The following SORCS2 variants were observed in gnomAD, a reference collection of about 807,000 sequenced individuals.
SORCS2 encodes VPS10 domain-containing receptor SorCS2.
In SORCS2, 100 loss-of-function variants were observed where a neutral mutation model predicts 141.6. The observed-to-expected ratio is 0.71, with a 90% confidence interval of 0.60 to 0.83. SORCS2 has a LOEUF of 0.83. Among genes scored for constraint, SORCS2 ranks in the 40% least tolerant of loss-of-function variants. The pLI, the probability that SORCS2 is intolerant of heterozygous loss-of-function variation, is 0.00. For synonymous variants in SORCS2, 789 were observed against 676.9 expected (o/e 1.17, Z -2.57); for missense variants, 1,646 against 1,560.2 (o/e 1.05, Z -0.93).
At chr4:7,338,427 G>GATGC (rs1460185410) in intron 1 of SORCS2, among the ~76,000 whole-genome samples, 4 of 151,730 alleles carry the variant, frequency 2.6e-5, no homozygotes. Flanking sequence ...TGGAAGGATG[G>GATGC]ATGGATGGAT....
At chr4:7,473,703 T>C (rs1281787219) in intron 2 of SORCS2, among the ~76,000 whole-genome samples, 2 of 149,772 alleles carry the variant, frequency 1.3e-5, no homozygotes, top group South Asian at 2.2e-4. Context: ...AAGGGCCTTT[T>C]GGGAGGAACT....
chr4:7,592,775 G>A lies in SORCS2; in HGVS notation c.649-45553G>A, dbSNP rs549081749. 2.0e-5 allele frequency among the ~76,000 whole-genome samples: 3 copies of A among 152,330 alleles called. No homozygotes were observed. The South Asian group carries it at 6.2e-4, about 32-fold the overall frequency. ...GGATTGGCAGCAAAACCTAGCCTAT[G>A]CATTCTCAAATGTAATCCCTACCTC... On this transcript the variant is annotated intron_variant, in intron 3 of 26. Coordinates refer to ENST00000507866, the MANE Select transcript of SORCS2 (RefSeq NM_020777.3).
At chr4:7,411,779 A>G (rs552143524) in intron 2 of SORCS2, among the ~76,000 whole-genome samples, 8 of 152,272 alleles carry the variant, frequency 5.3e-5, no homozygotes, top group African/African-American at 1.9e-4. Flanking sequence ...GGCTGAAAGA[A>G]CCAGGGAAGC....
At chr4:7,215,808 C>T (rs1005926940) in intron 1 of SORCS2, among the ~76,000 whole-genome samples, 2 of 152,172 alleles carry the variant, frequency 1.3e-5, no homozygotes, top group Admixed American at 6.5e-5. Flanking sequence ...TCTAACTAAT[C>T]TGATGGGGAC....
At chr4:7,319,751 C>G (rs147223422) in intron 1 of SORCS2, among the ~76,000 whole-genome samples, 8 of 152,280 alleles carry the variant, frequency 5.3e-5, no homozygotes, top group Middle Eastern at 3.4e-3. Flanking sequence ...AACCTAAAAT[C>G]TGGAATGGCT....
chr4:7,393,746 T>C (rs1045266933), intron 1 of SORCS2, among the ~76,000 whole-genome samples: 5 of 152,198 alleles, frequency 3.3e-5, no homozygotes, highest in African/African-American at 1.2e-4. Flanking sequence ...TAGCTATCAT[T>C]ATTCTGAATG....
intron 2 of SORCS2, among the ~76,000 whole-genome samples, chr4:7,415,120 G>A (rs1322897419): frequency 2.0e-5 from 3 of 152,218 alleles, no homozygotes. Flanking sequence ...GAGCTGCCGG[G>A]GTTTTGGGGC....
At chr4:7,668,018 C>T (rs189834582) in intron 8 of SORCS2, among the ~76,000 whole-genome samples, 13 of 152,316 alleles carry the variant, frequency 8.5e-5, no homozygotes, top group Admixed American at 7.8e-4. Flanking sequence ...ATCTCTGTCC[C>T]ACATGCATAG....
intron 4 of SORCS2, among the ~76,000 whole-genome samples, chr4:7,640,078 A>G (rs1720578451): frequency 6.7e-6 from 1 of 149,862 alleles, no homozygotes; most frequent in Non-Finnish European, 1.5e-5. Context: ...TGAGTGTGAA[A>G]CAGCATGTCA....
intron 1 of SORCS2, among the ~76,000 whole-genome samples, chr4:7,198,673 G>A (rs1727308120): frequency 6.6e-6 from 1 of 152,192 alleles, no homozygotes; most frequent in African/African-American, 2.4e-5. Context: ...GAGGTCAAGG[G>A]ATGTGGTGAC....
chr4:7,404,203 T>G (rs1461264838), intron 2 of SORCS2, among the ~76,000 whole-genome samples: 1 of 151,996 alleles, frequency 6.6e-6, no homozygotes, highest in Non-Finnish European at 1.5e-5. Flanking sequence ...GAGTAGTCTT[T>G]CATTGTGTAT....
intron 9 of SORCS2, among the ~76,000 whole-genome samples, chr4:7,676,728 C>G (rs970892747): frequency 3.4e-5 from 5 of 146,718 alleles, no homozygotes; most frequent in African/African-American, 1.3e-4. Context: ...CTCTCTCTCT[C>G]CCTCTCCCTC....
intron 2 of SORCS2, among the ~76,000 whole-genome samples, chr4:7,427,272 T>C (rs1726509978): frequency 6.6e-6 from 1 of 152,166 alleles, no homozygotes; most frequent in Non-Finnish European, 1.5e-5. Context: ...TTTGAGTCAC[T>C]GAACATGGCT....
intron 3 of SORCS2, among the ~76,000 whole-genome samples, chr4:7,545,558 C>G (rs1311844677): frequency 6.6e-6 from 1 of 152,176 alleles, no homozygotes; most frequent in African/African-American, 2.4e-5. Context: ...GAGACAAGAA[C>G]ACAGGCTCAC....
chr4:7,547,487 G>A (rs1179670852), intron 3 of SORCS2, among the ~76,000 whole-genome samples: 1 of 152,248 alleles, frequency 6.6e-6, no homozygotes, highest in African/African-American at 2.4e-5. Context: ...CTCCATGCCT[G>A]CAGGCCTGTG....
intron 3 of SORCS2, among the ~76,000 whole-genome samples, chr4:7,629,683 G>T (rs1328506257): frequency 6.6e-6 from 1 of 151,926 alleles, no homozygotes; most frequent in Non-Finnish European, 1.5e-5. Flanking sequence ...CCCCCAGCCA[G>T]GAGTCTGTGC....
chr4:7,209,081 C>T (rs870860), intron 1 of SORCS2, among the ~76,000 whole-genome samples: 20,893 of 152,242 alleles, frequency 0.14, 2,573 homozygotes, highest in African/African-American at 0.33. Context: ...CTGCAGACCT[C>T]GTGAAACTTC....
chr4:7,568,249 C>T (rs1413021784), intron 3 of SORCS2, among the ~76,000 whole-genome samples: 1 of 152,186 alleles, frequency 6.6e-6, no homozygotes, highest in Non-Finnish European at 1.5e-5. Flanking sequence ...AAACAAGAAA[C>T]AACAGCAACA....
intron 2 of SORCS2, among the ~76,000 whole-genome samples, chr4:7,410,949 C>CT (rs5855962): frequency 0.38 from 27,649 of 73,326 alleles, 6,241 homozygotes; most frequent in South Asian, 0.49. Context: ...TCTCTCCATC[C>CT]TTTTTTTTTT....
Sources: gnomAD v4.1 joint callset for allele counts (sites outside exome capture counted in the v4.1 genomes callset) on GRCh38, gnomAD v4.1.1 for gene constraint, MANE v1.5 for transcripts, NCBI Gene and HGNC (gene_info 2026-07-23, HGNC 2026-07-21) for gene names.